Variants in CRNKL1 observed in about 807,000 individuals in gnomAD.
CRNKL1 encodes the protein crooked neck-like protein 1.
A neutral mutation model predicts 103.7 loss-of-function variants in CRNKL1; 35 were observed. The observed-to-expected ratio is 0.34, with a 90% confidence interval of 0.26 to 0.45. CRNKL1 has a LOEUF of 0.45. CRNKL1 is among the 20% of genes least tolerant of loss of function. CRNKL1 has a pLI of 1.00. For missense variants in CRNKL1, 645 were observed against 836.0 expected, an observed-to-expected ratio of 0.77 and a Z score of 2.82; for synonymous variants, 267 against 282.6, an observed-to-expected ratio of 0.94 and a Z score of 0.55.
upstream of CRNKL1, among the ~76,000 whole-genome samples, chr20:20,053,868 C>G (rs1022421134): frequency 2.0e-5 from 3 of 152,004 alleles, no homozygotes; most frequent in African/African-American, 7.2e-5. Context: ...ATTGATTTAC[C>G]AAATGAATCA....
At chr20:20,055,961 A>G (rs1412016625), upstream of CRNKL1, 1 of 1,610,744 alleles carries the variant, frequency 6.2e-7, no homozygotes, top group Non-Finnish European at 8.5e-7. Flanking sequence ...TTTTGTCAAC[A>G]GCATTTCCCA....
intron 8 of CRNKL1, 139 bp downstream of exon 8, chr20:20,042,186 T>G: frequency 1.4e-6 from 1 of 711,518 alleles, no homozygotes; most frequent in Non-Finnish European, 2.2e-6. Context: ...AATATATAAC[T>G]GTATGGATGA....
upstream of CRNKL1, among the ~76,000 whole-genome samples, chr20:20,054,000 G>GTT (rs772688050): frequency 0.2 from 19,677 of 99,318 alleles, 1,553 homozygotes; most frequent in East Asian, 0.3. Flanking sequence ...CTCTGTGTGT[G>GTT]TTTTTTTTGT....
In CRNKL1 at chr20:20,035,303, C is replaced by CCTAA. The variant is rs2043402412; in HGVS notation, c.*888_*891dup. 6.6e-6 allele frequency: 1 copy of CCTAA among 152,046 alleles called. No individual in the cohort carries two copies. The highest frequency in any genetic ancestry group is 1.5e-5 in the Non-Finnish European group (1 of 68,022). The allele number at this position is 152,046 out of a possible 1,614,324, so 9.4% of individuals were successfully genotyped here. A position where few individuals can be genotyped will look rare whatever the true frequency, so the allele number is the denominator to read the frequency against. On this transcript the variant is annotated 3_prime_UTR_variant, in exon 14 of 14. Coordinates refer to ENST00000536226, the MANE Select transcript of CRNKL1 (RefSeq NM_001278628.2). Reference sequence around the variant, plus strand: ...ACTGGAGATACATAATGTACAGAAGCCTAACTATAAAGAGATTTGATTAAC... The same window carrying CCTAA: ...ACTGGAGATACATAATGTACAGAAGCCTAACTAACTATAAAGAGATTTGATTAAC...
intron 6 of CRNKL1, 67 bp downstream of exon 6, chr20:20,045,241 C>T: frequency 7.5e-7 from 1 of 1,325,960 alleles, no homozygotes; most frequent in Non-Finnish European, 1.0e-6. Flanking sequence ...TGGAAATGAA[C>T]TCACCATGCA....
At chr20:20,043,785 G>T (rs2043552826) in intron 6 of CRNKL1, 123 bp from the exon 7 acceptor site, 6 of 848,028 alleles carry the variant, frequency 7.1e-6, no homozygotes, top group Non-Finnish European at 1.1e-5. Flanking sequence ...AATATCCAGA[G>T]TAAGATGCTT....
rs1355472335 is a variant in CRNKL1 at position 20,034,370 on chromosome 20, A to C, written c.*1825T>G. On this transcript the variant is annotated 3_prime_UTR_variant, in exon 14 of 14. Transcript: ENST00000536226. ...AAAGAAAAACCCACAAGAAATTATT[A>C]AACTTTTACTATCGAAAGGATTTAC... 1 of 152,182 alleles carries C rather than the reference A, an allele frequency of 6.6e-6. No individual in the cohort carries two copies. Among genetic ancestry groups the C allele is most frequent in the Non-Finnish European group, 1.5e-5 (1 of 68,032 alleles). The allele number at this position is 152,182 out of a possible 1,614,324, so 9.4% of individuals were successfully genotyped here.
intron 9 of CRNKL1, among the ~76,000 whole-genome samples, chr20:20,041,030 G>A (rs868044904): frequency 1.3e-5 from 2 of 152,180 alleles, no homozygotes; most frequent in Non-Finnish European, 2.9e-5. Flanking sequence ...ATACTGTACT[G>A]TACTGTATGG....
At chr20:20,043,464 A>G (rs755980120) in intron 7 of CRNKL1, 28 bp downstream of exon 7, 8 of 1,602,824 alleles carry the variant, frequency 5.0e-6, no homozygotes, top group Admixed American at 1.7e-5. Flanking sequence ...GGTTATCTGC[A>G]GAGTTGACCA....
chr20:20,046,242 C>G (rs773706420), intron 5 of CRNKL1, among the ~76,000 whole-genome samples: 1 of 152,194 alleles, frequency 6.6e-6, no homozygotes, highest in Non-Finnish European at 1.5e-5. Context: ...CCTCAGCTCC[C>G]TCATCTGTAG....
chr20:20,039,750 A>T lies in CRNKL1; in HGVS notation c.1404T>A (p.Tyr468Ter), dbSNP rs940871877. ...LREFDRCRKL[Y>*]EKFLEFGPEN... Reference sequence around the variant, plus strand: ...CAGGTCCAAATTCCAGGAACTTTTCATAAAGCTTCCGGCATCTGTCAAATT... The same window carrying T: ...CAGGTCCAAATTCCAGGAACTTTTCTTAAAGCTTCCGGCATCTGTCAAATT... Residue 468 changes from tyrosine (Y) to a stop codon, truncating the protein, a stop_gained, in exon 11 of 14, where the codon TAT (tyrosine) becomes TAA (stop). Transcript: ENST00000536226. LOFTEE classifies it high-confidence loss of function. The T allele has an allele frequency of 1.2e-6, 2 of 1,614,198 alleles. No individual in the cohort carries two copies. The highest frequency in any genetic ancestry group is 3.3e-5 in the Admixed American group (2 of 60,026).
intron 8 of CRNKL1, 92 bp from the exon 9 acceptor site, chr20:20,041,717 T>TA: frequency 2.2e-6 from 2 of 900,094 alleles, no homozygotes; most frequent in South Asian, 1.4e-5. Flanking sequence ...TTGGTAAAAA[T>TA]GTACACCCCC....
chr20:20,036,411 A>T, intron 13 of CRNKL1, 49 bp from the exon 14 acceptor site: 1 of 1,567,914 alleles, frequency 6.4e-7, no homozygotes. Context: ...TGATATACTC[A>T]CATATCAGAG....
chr20:20,039,955 G>C, intron 10 of CRNKL1, 107 bp from the exon 11 acceptor site: 1 of 1,151,462 alleles, frequency 8.7e-7, no homozygotes, highest in Non-Finnish European at 1.2e-6. Context: ...ATCTTGCAAA[G>C]TCAACATGGC....
chr20:20,052,487 T>C, upstream of CRNKL1: 1 of 1,614,202 alleles, frequency 6.2e-7, no homozygotes, highest in Non-Finnish European at 8.5e-7. Flanking sequence ...ACCTTTGACC[T>C]CTCGCTTGAG....
At chr20:20,055,451 A>G (rs992944921), upstream of CRNKL1, among the ~76,000 whole-genome samples, 1 of 152,124 alleles carries the variant, frequency 6.6e-6, no homozygotes, top group African/African-American at 2.4e-5. Flanking sequence ...GGGCCCATCC[A>G]AAGTCCCAGG....
At position 20,052,344 on chromosome 20, in the gene CRNKL1, T is replaced by A; in HGVS notation, c.-2A>T. On this transcript the variant is annotated 5_prime_UTR_variant, in exon 1 of 14. Coordinates refer to ENST00000536226, the MANE Select transcript of CRNKL1 (RefSeq NM_001278628.2). ...CCCGGCCGCGGTGGAGGCCGCCATG[T>A]CTGCAGCAGTCGACCTCTGGACACC... 1.2e-6 allele frequency: 2 copies of A among 1,613,790 alleles called. No individual in the cohort carries two copies. Among genetic ancestry groups the A allele is most frequent in the Non-Finnish European group, 1.7e-6 (2 of 1,179,996 alleles).
At chr20:20,038,244 A>C in intron 12 of CRNKL1, 105 bp downstream of exon 12, 1 of 689,496 alleles carries the variant, frequency 1.5e-6, no homozygotes, top group Non-Finnish European at 2.4e-6. Flanking sequence ...TCATTAAAAA[A>C]AAAAAAAAAA....
At chr20:20,045,727 C>T (rs528190044) in intron 5 of CRNKL1, among the ~76,000 whole-genome samples, 1 of 152,220 alleles carries the variant, frequency 6.6e-6, no homozygotes, top group Admixed American at 6.5e-5. Context: ...GGTATAAACT[C>T]GAGTTGGAAG....
Sources: gnomAD v4.1 joint callset for allele counts (sites outside exome capture counted in the v4.1 genomes callset) on GRCh38, gnomAD v4.1.1 for gene constraint, MANE v1.5 for transcripts, NCBI Gene and HGNC (gene_info 2026-07-23, HGNC 2026-07-21) for gene names.